Variants in PLEKHA7 observed in about 807,000 individuals in gnomAD.
The protein encoded by PLEKHA7 is pleckstrin homology domain containing A7.
PLEKHA7 carries 104 observed loss-of-function variants against 170.0 expected under a neutral mutation model. The observed-to-expected ratio is 0.61, with a 90% CI of 0.52 to 0.72. The LOEUF (loss-of-function observed/expected upper bound fraction) is 0.72. Among genes scored for constraint, PLEKHA7 ranks in the 30% least tolerant of loss-of-function variants. The pLI, the probability that PLEKHA7 is intolerant of heterozygous loss-of-function variation, is 0.00. For missense variants in PLEKHA7, 1,615 were observed against 1,671.7 expected, an observed-to-expected ratio of 0.97 and a Z score of 0.59; for synonymous variants, 648 against 660.8, an observed-to-expected ratio of 0.98 and a Z score of 0.30.
At chr11:16,898,769 C>G (rs770200582) in intron 3 of PLEKHA7, among the ~76,000 whole-genome samples, 5 of 152,154 alleles carry the variant, frequency 3.3e-5, no homozygotes, top group Non-Finnish European at 2.9e-5. Context: ...TAGTCCAACA[C>G]CCTCCTAACT....
intron 10 of PLEKHA7, among the ~76,000 whole-genome samples, chr11:16,819,521 G>A (rs990098679): frequency 1.3e-5 from 2 of 152,210 alleles, no homozygotes; most frequent in African/African-American, 4.8e-5. Context: ...ACAGGCTTGA[G>A]GTCAATTCTG....
intron 4 of PLEKHA7, 125 bp downstream of exon 4, chr11:16,870,974 C>T (rs1854788902): frequency 1.6e-6 from 1 of 630,150 alleles, no homozygotes; most frequent in Non-Finnish European, 2.8e-6. Flanking sequence ...CTGTTTGAAT[C>T]AACCAACCCA....
At chr11:16,957,213 A>T (rs916766856) in intron 3 of PLEKHA7, among the ~76,000 whole-genome samples, 17 of 152,254 alleles carry the variant, frequency 1.1e-4, no homozygotes, top group African/African-American at 3.4e-4. Flanking sequence ...TCTGAGATAC[A>T]AAAAGAGGTC....
At chr11:16,822,986 T>TTTA (rs1319115909) in intron 10 of PLEKHA7, among the ~76,000 whole-genome samples, 1 of 151,150 alleles carries the variant, frequency 6.6e-6, no homozygotes, top group Non-Finnish European at 1.5e-5. Flanking sequence ...GTATGTATTA[T>TTTA]TTATTTATTT....
At chr11:16,864,719 C>T (rs1289204443) in intron 4 of PLEKHA7, among the ~76,000 whole-genome samples, 2 of 152,176 alleles carry the variant, frequency 1.3e-5, no homozygotes, top group East Asian at 1.9e-4. Flanking sequence ...TGACTTTGCT[C>T]CTTATTTGCC....
intron 8 of PLEKHA7, among the ~76,000 whole-genome samples, chr11:16,849,537 C>T (rs1307142000): frequency 6.6e-6 from 1 of 152,178 alleles, no homozygotes; most frequent in East Asian, 1.9e-4. Flanking sequence ...CACCTTCTAC[C>T]TCCTGCGATG....
intron 3 of PLEKHA7, among the ~76,000 whole-genome samples, chr11:16,900,860 T>A (rs1244303186): frequency 6.6e-6 from 1 of 151,932 alleles, no homozygotes; most frequent in African/African-American, 2.4e-5. Context: ...ATTTTTTTTT[T>A]TTTTTGAGAC....
chr11:16,794,565 G>A lies in PLEKHA7; in HGVS notation c.2668C>T (p.Pro890Ser). 1.2e-6 allele frequency: 2 copies of A among 1,613,682 alleles called. No homozygotes were observed. The highest frequency in any genetic ancestry group is 1.7e-6 in the Non-Finnish European group (2 of 1,179,810). The change falls in exon 19 of 27, where the codon CCG (proline) becomes TCG (serine). Residue 890 changes from proline (P) to serine (S), a missense_variant. Transcript: ENST00000531066. ...RLFPQLQTYV[P>S]YRPHPPQLRK... The stretch of plus-strand genomic sequence containing the variant: ...AGCTGGGGTGGGTGAGGTCGGTACG[G>A]CACGTAGGTTTGCAGCTGGGGGAAG...
In PLEKHA7 at chr11:16,801,827, G is replaced by A. The variant is rs565893370; in HGVS notation, c.2158-10C>T. 2.5e-5 allele frequency: 41 copies of A among 1,613,510 alleles called. No homozygotes were observed. Among genetic ancestry groups the A allele is most frequent in the East Asian group, 2.5e-4 (11 of 44,862 alleles). On this transcript the variant is annotated splice_polypyrimidine_tract_variant and intron_variant, in intron 15 of 26. Transcript: ENST00000531066. ...CAGATTCTAGCTGGTCCTGCACCACGAAGGGCCAAAAAACAGCAGGATAGG... is the reference window on the plus strand; with the variant it reads ...CAGATTCTAGCTGGTCCTGCACCACAAAGGGCCAAAAAACAGCAGGATAGG...
intron 3 of PLEKHA7, among the ~76,000 whole-genome samples, chr11:17,004,311 G>A (rs1433519545): frequency 1.3e-5 from 2 of 152,068 alleles, no homozygotes; most frequent in Non-Finnish European, 2.9e-5. Flanking sequence ...GCCTGGATAT[G>A]AGGAACAATA....
intron 10 of PLEKHA7, among the ~76,000 whole-genome samples, chr11:16,822,344 A>G (rs1355009576): frequency 1.3e-5 from 2 of 151,960 alleles, no homozygotes; most frequent in Non-Finnish European, 2.9e-5. Context: ...TCTGTTAAGC[A>G]TGGTAATTCA....
intron 3 of PLEKHA7, among the ~76,000 whole-genome samples, chr11:16,903,616 G>C (rs1458084146): frequency 6.6e-6 from 1 of 152,156 alleles, no homozygotes; most frequent in East Asian, 1.9e-4. Context: ...GGCCTCCACT[G>C]TGCTTCTTGG....
At chr11:16,847,345 G>A (rs1168756718) in intron 8 of PLEKHA7, among the ~76,000 whole-genome samples, 1 of 151,976 alleles carries the variant, frequency 6.6e-6, no homozygotes, top group Non-Finnish European at 1.5e-5. Flanking sequence ...GCCCCCCTCT[G>A]CCTCCCAAAG....
chr11:16,892,435 T>TGTGTGTGTGTGTGTGTGTGTGTGTG (rs1554964897), intron 3 of PLEKHA7, among the ~76,000 whole-genome samples: 1,130 of 97,598 alleles, frequency 0.012, 8 homozygotes, highest in Non-Finnish European at 0.015. Flanking sequence ...TGTGTGTGTG[T>TGTGTGTGTGTGTGTGTGTGTGTGTG]TTTGTTTTGT....
At chr11:16,882,865 CACACACAT>C (rs1855810676) in intron 3 of PLEKHA7, among the ~76,000 whole-genome samples, 1 of 45,902 alleles carries the variant, frequency 2.2e-5, no homozygotes, top group Non-Finnish European at 7.0e-5. Flanking sequence ...CATATTCACA[CACACACAT>C]ACACACACAC....
At chr11:16,922,026 C>T (rs950539440) in intron 3 of PLEKHA7, among the ~76,000 whole-genome samples, 1 of 152,162 alleles carries the variant, frequency 6.6e-6, no homozygotes, top group East Asian at 1.9e-4. Context: ...TGTATGCCTG[C>T]GTCAGAGATT....
At chr11:16,904,724 G>C (rs1030835533) in intron 3 of PLEKHA7, among the ~76,000 whole-genome samples, 1 of 152,060 alleles carries the variant, frequency 6.6e-6, no homozygotes, top group African/African-American at 2.4e-5. Flanking sequence ...TTGGTATTTT[G>C]CTATCCATTA....
chr11:16,864,552 CAT>C (rs945729734), intron 4 of PLEKHA7, among the ~76,000 whole-genome samples: 2 of 152,170 alleles, frequency 1.3e-5, no homozygotes, highest in South Asian at 2.1e-4. Flanking sequence ...ATAACTCCCA[CAT>C]GTCATGGGAG....
rs752861624 is a variant in PLEKHA7, at chr11:16,871,187, A to G, written c.222-5T>C. 1 of 1,593,974 alleles carries G rather than the reference A, an allele frequency of 6.3e-7. No individual in the cohort carries two copies. Among genetic ancestry groups the G allele is most frequent in the South Asian group, 1.1e-5 (1 of 90,716 alleles). On this transcript the variant is annotated splice_polypyrimidine_tract_variant and splice_region_variant and intron_variant, in intron 3 of 26. Coordinates refer to ENST00000531066, the MANE Select transcript of PLEKHA7 (RefSeq NM_001329630.2). Reference sequence around the variant, plus strand: ...GCTGTGGTCTGCTGGTTATGGCTAAAGAGAAAGAGAGAAGATGGATGAGAA... The same window carrying G: ...GCTGTGGTCTGCTGGTTATGGCTAAGGAGAAAGAGAGAAGATGGATGAGAA...
Sources: allele counts gnomAD v4.1 joint callset (sites outside exome capture counted in the v4.1 genomes callset), GRCh38; gene constraint gnomAD v4.1.1; transcripts MANE v1.5; gene names NCBI Gene and HGNC (gene_info 2026-07-23, HGNC 2026-07-21).